SHOC1: variants seen among roughly 807,000 people sequenced by gnomAD.
The protein encoded by SHOC1 is shortage in chiasmata 1, also known as protein shortage in chiasmata 1 ortholog.
A neutral mutation model predicts 179.2 loss-of-function variants in SHOC1; 136 were observed. The observed-to-expected ratio is 0.76, with a 90% CI of 0.66 to 0.87. SHOC1 has a LOEUF of 0.87. SHOC1 is among the 40% of genes least tolerant of loss of function. The pLI, the probability that SHOC1 is intolerant of heterozygous loss-of-function variation, is 0.00. For missense variants in SHOC1, 1,538 were observed against 1,700.8 expected, an observed-to-expected ratio of 0.90 and a Z score of 1.68; for synonymous variants, 489 against 586.6, an observed-to-expected ratio of 0.83 and a Z score of 2.41.
intron 10 of SHOC1, among the ~76,000 whole-genome samples, chr9:111,744,880 A>G (rs915126807): frequency 6.6e-6 from 1 of 152,234 alleles, no homozygotes; most frequent in African/African-American, 2.4e-5. Context: ...AATGAAAGCT[A>G]TCTCAGACTC....
Position 111,785,971 on chromosome 9 carries a change from T to G in SHOC1, c.110A>C (p.Gln37Pro), listed in dbSNP as rs1167300231. 1.3e-6 allele frequency: 2 copies of G among 1,530,882 alleles called. No individual in the cohort carries two copies. Among genetic ancestry groups the G allele is most frequent in the Non-Finnish European group, 1.8e-6 (2 of 1,138,742 alleles). 94.8% of individuals were successfully genotyped at this position (1,530,882 alleles called of 1,614,324 possible). ...AACTGCTACATGGTAACTTTCATCTTGATATAAACATGAAGGGATTCGAAG... is the reference window on the plus strand; with the variant it reads ...AACTGCTACATGGTAACTTTCATCTGGATATAAACATGAAGGGATTCGAAG... ...LLLRIPSCLY[Q>P]DESYHVAVTD... is the part of the protein sequence containing the mutation. Residue 37 changes from glutamine (Q) to proline (P), a missense_variant, in exon 3 of 28, where the codon CAA becomes CCA. Physicochemically the swap from Gln to Pro is moderately conservative, Grantham distance 76 (BLOSUM62 -1). Transcript: ENST00000682961.
chr9:111,687,341 A>C (rs969684181), intron 27 of SHOC1, among the ~76,000 whole-genome samples: 18 of 152,198 alleles, frequency 1.2e-4, no homozygotes, highest in African/African-American at 4.3e-4. Flanking sequence ...GGGATAAAAT[A>C]ATAACTATTA....
intron 27 of SHOC1, among the ~76,000 whole-genome samples, chr9:111,687,612 C>T (rs1013736133): frequency 3.3e-5 from 5 of 152,160 alleles, no homozygotes; most frequent in Non-Finnish European, 4.4e-5. Flanking sequence ...TCCAATAAGT[C>T]CTCATTAATT....
chr9:111,736,459 G>T (rs1355953393), intron 12 of SHOC1, among the ~76,000 whole-genome samples: 1 of 152,068 alleles, frequency 6.6e-6, no homozygotes, highest in Non-Finnish European at 1.5e-5. Context: ...AAATAAGCAA[G>T]GGGGAAAGAA....
At chr9:111,768,485 C>T (rs1245990987) in intron 5 of SHOC1, among the ~76,000 whole-genome samples, 1 of 152,186 alleles carries the variant, frequency 6.6e-6, no homozygotes, top group East Asian at 1.9e-4. Context: ...TCCCATAGTG[C>T]TGGGATTACA....
intron 5 of SHOC1, among the ~76,000 whole-genome samples, chr9:111,772,330 T>C (rs1011133526): frequency 1.3e-5 from 2 of 152,190 alleles, no homozygotes; most frequent in African/African-American, 4.8e-5. Context: ...TTCTGTATTA[T>C]TTTAGAGATC....
intron 13 of SHOC1, among the ~76,000 whole-genome samples, chr9:111,726,764 C>T (rs1051285180): frequency 2.0e-5 from 3 of 151,998 alleles, no homozygotes; most frequent in Non-Finnish European, 4.4e-5. Flanking sequence ...ACTTTGATTC[C>T]TCAACAATGT....
At chr9:111,705,816 T>G (rs1466278897) in intron 20 of SHOC1, among the ~76,000 whole-genome samples, 1 of 152,062 alleles carries the variant, frequency 6.6e-6, no homozygotes, top group Non-Finnish European at 1.5e-5. Flanking sequence ...GGAAAACATT[T>G]TACAGATCAA....
intron 5 of SHOC1, among the ~76,000 whole-genome samples, chr9:111,772,214 C>T (rs1835639225): frequency 6.6e-6 from 1 of 152,142 alleles, no homozygotes. Context: ...TTCAGCTCAG[C>T]AAACGTATTT....
At position 111,686,514 on chromosome 9, in the gene SHOC1, C is replaced by T. The variant is rs914365821; in HGVS notation, c.*256G>A. On this transcript the variant is annotated 3_prime_UTR_variant, in exon 28 of 28. Transcript: ENST00000682961. ...CTGTGATGGAGACTCATTTAAATGG[C>T]CTGTGTGCAGGGGTGTCTGGAAGAC... 1 of 259,638 alleles carries T rather than the reference C, an allele frequency of 3.9e-6. No individual in the cohort carries two copies. The highest frequency in any genetic ancestry group is 5.1e-5 in the Admixed American group (1 of 19,600). The allele number at this position is 259,638 out of a possible 1,614,324, so 16.1% of individuals were successfully genotyped here. A position where few individuals can be genotyped will look rare whatever the true frequency, so the allele number is the denominator to read the frequency against.
chr9:111,767,502 C>T (rs1835402587), intron 5 of SHOC1, among the ~76,000 whole-genome samples: 1 of 152,092 alleles, frequency 6.6e-6, no homozygotes, highest in Admixed American at 6.6e-5. Flanking sequence ...CTGTAAATGA[C>T]TGGATTTATA....
At chr9:111,712,207 T>C (rs1832582955) in intron 18 of SHOC1, among the ~76,000 whole-genome samples, 1 of 152,192 alleles carries the variant, frequency 6.6e-6, no homozygotes, top group Non-Finnish European at 1.5e-5. Context: ...AAGGCCAGGG[T>C]GTTGAATGAA....
intron 8 of SHOC1, among the ~76,000 whole-genome samples, chr9:111,748,761 CT>C (rs373370225): frequency 0.023 from 155 of 6,598 alleles, no homozygotes; most frequent in African/African-American, 0.073. Flanking sequence ...TCCTTCCTTC[CT>C]TTCCTTCCTT....
chr9:111,733,039 CT>C (rs35888214), intron 12 of SHOC1, among the ~76,000 whole-genome samples: 121,974 of 151,972 alleles, frequency 0.8, 49,140 homozygotes, highest in East Asian at 0.92. Flanking sequence ...ATAAGCATCT[CT>C]TTTTTTTGGC....
chr9:111,764,221 T>C (rs1835259515), intron 5 of SHOC1, among the ~76,000 whole-genome samples: 1 of 152,244 alleles, frequency 6.6e-6, no homozygotes, highest in Non-Finnish European at 1.5e-5. Context: ...CGATTGTCCC[T>C]GTATTGCAGT....
At chr9:111,783,381 G>C (rs1836149799) in intron 3 of SHOC1, 1 of 152,098 alleles carries the variant, frequency 6.6e-6, no homozygotes, top group East Asian at 1.9e-4. Context: ...AGTCATCAAT[G>C]ACCTACATTT....
At chr9:111,789,638 T>C (rs937140116) in intron 2 of SHOC1, among the ~76,000 whole-genome samples, 2 of 152,212 alleles carry the variant, frequency 1.3e-5, no homozygotes, top group African/African-American at 4.8e-5. Flanking sequence ...CTCAACACCA[T>C]TTTCATGAAC....
chr9:111,783,784 AG>A (rs2131639939), intron 3 of SHOC1, among the ~76,000 whole-genome samples: 1 of 152,362 alleles, frequency 6.6e-6, no homozygotes, highest in Admixed American at 6.5e-5. Context: ...TACATGAAGT[AG>A]ATTTATTACT....
At chr9:111,783,813 G>C (rs886755852) in intron 3 of SHOC1, among the ~76,000 whole-genome samples, 1 of 152,154 alleles carries the variant, frequency 6.6e-6, no homozygotes, top group African/African-American at 2.4e-5. Context: ...AGGTAACAAG[G>C]GACAACAGAA....
Sources: gnomAD v4.1 joint callset for allele counts (sites outside exome capture counted in the v4.1 genomes callset) on GRCh38, gnomAD v4.1.1 for gene constraint, MANE v1.5 for transcripts, NCBI Gene and HGNC (gene_info 2026-07-23, HGNC 2026-07-21) for gene names.